The following DLGAP1 variants were observed in gnomAD, a reference collection of about 807,000 sequenced individuals.
DLGAP1 encodes the protein disks large-associated protein 1.
Under a neutral mutation model 90.8 loss-of-function variants are expected in DLGAP1, and 11 were observed. That is an observed-to-expected ratio of 0.12 (90% CI 0.08 to 0.20). The LOEUF is 0.20. Ranked by LOEUF, DLGAP1 falls within the 10% of genes least tolerant of loss-of-function variation. DLGAP1 has a pLI of 1.00. For missense variants in DLGAP1, 1,050 were observed against 1,333.8 expected (o/e 0.79, Z 3.31); for synonymous variants, 558 against 540.7 (o/e 1.03, Z -0.44).
At chr18:4,002,678 G>C (rs1028516050) in intron 3 of DLGAP1, among the ~76,000 whole-genome samples, 1 of 152,144 alleles carries the variant, frequency 6.6e-6, no homozygotes, top group Non-Finnish European at 1.5e-5. Context: ...ATTATTAGTA[G>C]TTTCGTTTCT....
intron 2 of DLGAP1, among the ~76,000 whole-genome samples, chr18:4,062,767 A>G (rs1018312748): frequency 4.6e-5 from 7 of 152,110 alleles, no homozygotes; most frequent in African/African-American, 1.2e-4. Context: ...ACTATAGTAT[A>G]CCTGTTATTA....
chr18:4,155,053 T>C (rs2076733632), intron 1 of DLGAP1, among the ~76,000 whole-genome samples: 1 of 151,700 alleles, frequency 6.6e-6, no homozygotes, highest in Non-Finnish European at 1.5e-5. Context: ...TAGGGAGGTG[T>C]AGGGAGGAGA....
chr18:3,499,349 G>T lies in DLGAP1; in HGVS notation c.2770C>A (p.Pro924Thr). The T allele has an allele frequency of 6.4e-7, 1 of 1,555,446 alleles. No homozygotes were observed. Among genetic ancestry groups the T allele is most frequent in the South Asian group, 1.2e-5 (1 of 84,576 alleles). The change falls in exon 13 of 13, where the codon CCC becomes ACC. Residue 924 changes from proline (P) to threonine (T), a missense_variant. Pro to Thr is a conservative substitution (Grantham distance 38). Transcript: ENST00000315677. The surrounding 1 kb of genome is among the most constrained non-coding windows in gnomAD (Gnocchi z 6.4). ...GAGCGCTCCCGGATCAGCGGCGCGGGGCCCTTCGCCGGCTTCTTTGGCACT... is the reference window on the plus strand; with the variant it reads ...GAGCGCTCCCGGATCAGCGGCGCGGTGCCCTTCGCCGGCTTCTTTGGCACT... Reference protein sequence around the residue: ...PPVPKKPAKGPAPLIRERSLE... With the variant: ...PPVPKKPAKGTAPLIRERSLE...
chr18:3,925,197 C>T (rs2072354448), intron 3 of DLGAP1, among the ~76,000 whole-genome samples: 2 of 152,222 alleles, frequency 1.3e-5, no homozygotes, highest in South Asian at 2.1e-4. Flanking sequence ...AGGTGAGCCG[C>T]CCACCTCAGC....
chr18:3,629,143 T>C (rs529479419), intron 7 of DLGAP1, among the ~76,000 whole-genome samples: 32 of 152,326 alleles, frequency 2.1e-4, no homozygotes, highest in Non-Finnish European at 3.5e-4. Context: ...ACTTTATAAT[T>C]TTTTGTGGCC....
At chr18:4,077,596 C>T (rs2075542808) in intron 2 of DLGAP1, among the ~76,000 whole-genome samples, 1 of 152,112 alleles carries the variant, frequency 6.6e-6, no homozygotes, top group Non-Finnish European at 1.5e-5. Flanking sequence ...ACCCTGCTTC[C>T]TCTCTTGCTG....
intron 1 of DLGAP1, among the ~76,000 whole-genome samples, chr18:4,218,588 T>G (rs1394397558): frequency 2.0e-5 from 3 of 151,986 alleles, no homozygotes; most frequent in Non-Finnish European, 4.4e-5. Flanking sequence ...AATTAAATTT[T>G]ATACCTTTTG....
chr18:4,364,885 C>T (rs548170672), intron 1 of DLGAP1, among the ~76,000 whole-genome samples: 28 of 152,166 alleles, frequency 1.8e-4, no homozygotes, highest in Non-Finnish European at 3.7e-4. Context: ...CGAAGAACTT[C>T]TTGATCTCTG....
At chr18:3,861,702 A>C (rs1005363111) in intron 4 of DLGAP1, among the ~76,000 whole-genome samples, 2 of 152,246 alleles carry the variant, frequency 1.3e-5, no homozygotes, top group Admixed American at 6.5e-5. Context: ...TTCAGAAGTC[A>C]GTCAAATGTG....
At chr18:4,450,032 T>A (rs541684422) in intron 1 of DLGAP1, among the ~76,000 whole-genome samples, 74 of 152,320 alleles carry the variant, frequency 4.9e-4, no homozygotes, top group African/African-American at 1.7e-3. Context: ...AAAAGGTGAC[T>A]TTGCCTTCTG....
At chr18:4,221,790 C>T (rs566064804) in intron 1 of DLGAP1, among the ~76,000 whole-genome samples, 1 of 152,282 alleles carries the variant, frequency 6.6e-6, no homozygotes, top group African/African-American at 2.4e-5. Flanking sequence ...CATTACTACT[C>T]AACCTGCTTA....
intron 7 of DLGAP1, among the ~76,000 whole-genome samples, chr18:3,657,340 T>C (rs959681822): frequency 6.7e-6 from 1 of 149,544 alleles, no homozygotes; most frequent in East Asian, 1.9e-4. Context: ...TATGTTCACA[T>C]TGCTCTTCCT....
chr18:3,908,912 A>G (rs2071972632), intron 3 of DLGAP1, among the ~76,000 whole-genome samples: 1 of 152,232 alleles, frequency 6.6e-6, no homozygotes, highest in African/African-American at 2.4e-5. Flanking sequence ...ACAGCACAGT[A>G]ATAGGACCCC....
chr18:3,628,096 G>A (rs553982629), intron 7 of DLGAP1, among the ~76,000 whole-genome samples: 1 of 151,484 alleles, frequency 6.6e-6, no homozygotes, highest in Non-Finnish European at 1.5e-5. Flanking sequence ...GGCTGGTCTC[G>A]ATCTCCTGAC....
intron 7 of DLGAP1, among the ~76,000 whole-genome samples, chr18:3,675,521 C>T (rs951911466): frequency 6.6e-6 from 1 of 152,218 alleles, no homozygotes; most frequent in Non-Finnish European, 1.5e-5. Flanking sequence ...GCCCTCTGGC[C>T]TCAGAGTCTG....
chr18:3,771,251 C>T (rs1568104611), intron 5 of DLGAP1: 1 of 152,274 alleles, frequency 6.6e-6, no homozygotes, highest in Non-Finnish European at 1.5e-5. Flanking sequence ...GCTGAGAATC[C>T]GCTCTTGTTC....
rs573750186 is a variant in DLGAP1, at chr18:4,164,573, G to T, written c.-266-13286C>A. Among the ~76,000 whole-genome samples the T allele has an allele frequency of 1.8e-3, 268 of 152,182 alleles. 1 individual carries two copies. Among genetic ancestry groups the T allele is most frequent in the Admixed American group, 0.012 (181 of 15,276 alleles). On this transcript the variant is annotated intron_variant, in intron 1 of 12. Transcript: ENST00000315677. ...TGGGCGCCTGTAATCCCAGCTACTT[G>T]GGAGGCTGAGGCAGGAGAATTGCTT... is the stretch of plus-strand genomic sequence containing the variant.
chr18:4,255,747 G>T (rs1568474397), intron 1 of DLGAP1, among the ~76,000 whole-genome samples: 1 of 151,848 alleles, frequency 6.6e-6, no homozygotes, highest in Non-Finnish European at 1.5e-5. Context: ...TAAGTGAAAT[G>T]ATAAAAACTA....
At chr18:3,978,486 C>T in intron 3 of DLGAP1, 1 of 254,918 alleles carries the variant, frequency 3.9e-6, no homozygotes, top group South Asian at 5.3e-5. Flanking sequence ...GACATGCAGA[C>T]CATGTCGTTG....
Sources: gnomAD v4.1 joint callset for allele counts (sites outside exome capture counted in the v4.1 genomes callset) on GRCh38, gnomAD v4.1.1 for gene constraint, Gnocchi (gnomAD v3.1) non-coding constraint, MANE v1.5 for transcripts, NCBI Gene and HGNC (gene_info 2026-07-23, HGNC 2026-07-21) for gene names.